The following RPTOR variants were observed in gnomAD, a reference collection of about 807,000 sequenced individuals.
The protein encoded by RPTOR is regulatory associated protein of MTOR complex 1, also known as regulatory-associated protein of mTOR.
Under a neutral mutation model 169.9 loss-of-function variants are expected in RPTOR, and 21 were observed. The observed-to-expected ratio is 0.12, with a 90% confidence interval of 0.09 to 0.18. RPTOR has a LOEUF of 0.18. Among genes scored for constraint, RPTOR ranks in the 10% least tolerant of loss-of-function variants. The probability of loss-of-function intolerance (pLI) is 1.00; values close to 1 mark genes in which losing one functional copy is unlikely to be tolerated. For missense variants in RPTOR, 1,133 were observed against 1,855.9 expected (o/e 0.61, Z 7.16); for synonymous variants, 732 against 753.2 (o/e 0.97, Z 0.46).
intron 21 of RPTOR, among the ~76,000 whole-genome samples, chr17:80,910,757 T>A (rs2068602729): frequency 1.3e-5 from 2 of 152,168 alleles, no homozygotes; most frequent in Admixed American, 1.3e-4. Context: ...GGCTTTCGGT[T>A]CCTTCAACTA....
At chr17:80,696,441 G>C (rs1037333683) in intron 3 of RPTOR, among the ~76,000 whole-genome samples, 2 of 152,212 alleles carry the variant, frequency 1.3e-5, no homozygotes, top group Non-Finnish European at 2.9e-5. Context: ...GTGGAGCTCG[G>C]CTTTCGTTAG....
At chr17:80,649,453 C>G (rs2065622648) in intron 3 of RPTOR, among the ~76,000 whole-genome samples, 1 of 152,182 alleles carries the variant, frequency 6.6e-6, no homozygotes, top group Non-Finnish European at 1.5e-5. Flanking sequence ...ACCTGACTTT[C>G]TTCTCTGTGG....
chr17:80,930,330 T>C (rs1441776406), intron 24 of RPTOR, among the ~76,000 whole-genome samples: 37 of 53,306 alleles, frequency 6.9e-4, no homozygotes, highest in Admixed American at 8.7e-4. Context: ...GCTCAGCTCA[T>C]CCTCAGCTCA....
At chr17:80,716,693 T>C (rs970901644) in intron 4 of RPTOR, among the ~76,000 whole-genome samples, 9 of 152,236 alleles carry the variant, frequency 5.9e-5, no homozygotes, top group African/African-American at 2.2e-4. Flanking sequence ...AGAATTTTTA[T>C]AGTTTCAGGT....
chr17:80,952,108 G>A (rs79748689), intron 28 of RPTOR, among the ~76,000 whole-genome samples: 3,437 of 152,254 alleles, frequency 0.023, 137 homozygotes, highest in African/African-American at 0.079. Flanking sequence ...GTAATTATTT[G>A]TCATCGATTG....
chr17:80,566,276 G>T (rs1342878214), intron 1 of RPTOR, among the ~76,000 whole-genome samples: 3 of 152,164 alleles, frequency 2.0e-5, no homozygotes, highest in African/African-American at 7.2e-5. Flanking sequence ...GTCTCATGCC[G>T]TGGTCAGCTT....
intron 21 of RPTOR, among the ~76,000 whole-genome samples, chr17:80,920,960 A>G (rs965248120): frequency 1.3e-5 from 2 of 152,266 alleles, no homozygotes; most frequent in Admixed American, 1.3e-4. Context: ...AAACAAGCTC[A>G]GAAAGAACAT....
rs2067190812 is a variant in RPTOR, at chr17:80,803,994, AAG to A, written c.890+12488_890+12489del. 6.6e-6 allele frequency among the ~76,000 whole-genome samples: 1 copy of A among 152,218 alleles called. No homozygotes were observed. Among genetic ancestry groups the A allele is most frequent in the Non-Finnish European group, 1.5e-5 (1 of 68,040 alleles). ...GCTGTGTGGCAAGGGCCTTCTTTGAAAGAGGCATATGTAGCTTCAGTATTTAT... is the reference window on the plus strand; with the variant it reads ...GCTGTGTGGCAAGGGCCTTCTTTGAAAGGCATATGTAGCTTCAGTATTTAT... On this transcript the variant is annotated intron_variant, in intron 7 of 33. Coordinates refer to ENST00000306801, the MANE Select transcript of RPTOR (RefSeq NM_020761.3). The surrounding 1 kb of genome is among the most constrained non-coding windows in gnomAD (Gnocchi z 6.2).
intron 5 of RPTOR, among the ~76,000 whole-genome samples, chr17:80,735,747 T>G (rs2066428684): frequency 6.6e-6 from 1 of 152,114 alleles, no homozygotes; most frequent in Admixed American, 6.5e-5. Flanking sequence ...CAGTAAGTCT[T>G]GTTCTGCACA....
chr17:80,908,953 GC>G, intron 21 of RPTOR, 24 bp downstream of exon 21: 1 of 1,521,166 alleles, frequency 6.6e-7, no homozygotes. Flanking sequence ...GCTCCCCACC[GC>G]GCTCCAGCTG....
intron 9 of RPTOR, among the ~76,000 whole-genome samples, chr17:80,834,470 T>C (rs1324086643): frequency 1.3e-5 from 2 of 152,178 alleles, no homozygotes; most frequent in Non-Finnish European, 2.9e-5. Flanking sequence ...CGCAGCCTCC[T>C]GAGCCTCTGT....
At chr17:80,590,722 G>C (rs1247804190) in intron 1 of RPTOR, among the ~76,000 whole-genome samples, 1 of 152,232 alleles carries the variant, frequency 6.6e-6, no homozygotes, top group African/African-American at 2.4e-5. Context: ...TTCTGGGTTT[G>C]GTTTAATATT....
rs919960500 is a variant in RPTOR at position 80,633,993 on chromosome 17, T to C, written c.265+8200T>C. 1.3e-5 allele frequency among the ~76,000 whole-genome samples: 2 copies of C among 152,222 alleles called. No individual in the cohort carries two copies. Among genetic ancestry groups the C allele is most frequent in the African/African-American group, 4.8e-5 (2 of 41,450 alleles). ...ACTGAGATCTGGGTGCCAGGTGTTC[T>C]CTTTGAACTGGCGTGCTATTGCTCC... is the stretch of plus-strand genomic sequence containing the variant. On this transcript the variant is annotated intron_variant, in intron 2 of 33. Coordinates refer to ENST00000306801, the MANE Select transcript of RPTOR (RefSeq NM_020761.3). The surrounding 1 kb of genome is among the most constrained non-coding windows in gnomAD (Gnocchi z 4.1).
chr17:80,946,555 C>A, intron 26 of RPTOR, among the ~76,000 whole-genome samples: 1 of 152,248 alleles, frequency 6.6e-6, no homozygotes, highest in African/African-American at 2.4e-5. Context: ...CTAGGAGCCT[C>A]ATACCAGTGG....
At chr17:80,619,453 A>C (rs2065338799) in intron 1 of RPTOR, among the ~76,000 whole-genome samples, 1 of 152,134 alleles carries the variant, frequency 6.6e-6, no homozygotes, top group South Asian at 2.1e-4. Flanking sequence ...CTAGTAAGGA[A>C]ATCCCTTGTG....
At chr17:80,675,566 A>T (rs1055277445) in intron 3 of RPTOR, among the ~76,000 whole-genome samples, 1 of 152,326 alleles carries the variant, frequency 6.6e-6, no homozygotes, top group Admixed American at 6.5e-5. Flanking sequence ...TCCCTCAGAC[A>T]CCATGCCAGC....
chr17:80,867,282 A>G (rs1225372356), intron 13 of RPTOR, among the ~76,000 whole-genome samples: 1 of 152,148 alleles, frequency 6.6e-6, no homozygotes, highest in Non-Finnish European at 1.5e-5. Flanking sequence ...TTACCATATT[A>G]AAAAAAGATG....
rs2066378367 is a variant in RPTOR at position 80,730,224 on chromosome 17, A to G, written c.508-336A>G. ...CGGGTTCAGGTGATTCTCCTGCCTC[A>G]GCCTCCCAAGTAGCTGGGTTTACAG... On this transcript the variant is annotated intron_variant, in intron 4 of 33. Transcript: ENST00000306801. This position sits in a 1 kb window ranked among gnomAD's most constrained non-coding sequence, Gnocchi z 4.2. Among the ~76,000 whole-genome samples the G allele has an allele frequency of 6.6e-6, 1 of 152,142 alleles. No homozygotes were observed. Among genetic ancestry groups the G allele is most frequent in the African/African-American group, 2.4e-5 (1 of 41,450 alleles).
chr17:80,910,926 G>A (rs1239253023), intron 21 of RPTOR, among the ~76,000 whole-genome samples: 1 of 151,566 alleles, frequency 6.6e-6, no homozygotes, highest in Non-Finnish European at 1.5e-5. Flanking sequence ...CGCCTCCCAG[G>A]TTCAAGCAGT....
Sources: gnomAD v4.1 joint callset for allele counts (sites outside exome capture counted in the v4.1 genomes callset) on GRCh38, gnomAD v4.1.1 for gene constraint, Gnocchi (gnomAD v3.1) non-coding constraint, MANE v1.5 for transcripts, NCBI Gene and HGNC (gene_info 2026-07-23, HGNC 2026-07-21) for gene names.